ASB10: variants seen among roughly 807,000 people sequenced by gnomAD.
ASB10 encodes ankyrin repeat and SOCS box protein 10.
A neutral mutation model predicts 35.4 loss-of-function variants in ASB10; 44 were observed. That is an observed-to-expected ratio of 1.24 (90% CI 0.98 to 1.60). The LOEUF is 1.60. Among genes scored for constraint, ASB10 ranks in the 40% most tolerant of loss-of-function variants. The pLI, the probability that ASB10 is intolerant of heterozygous loss-of-function variation, is 0.00. For synonymous variants in ASB10, 294 were observed against 280.4 expected, an observed-to-expected ratio of 1.05 and a Z score of -0.49; for missense variants, 647 against 634.3, an observed-to-expected ratio of 1.02 and a Z score of -0.22.
At chr7:151,187,270 C>A (rs1363625364), upstream of ASB10, 3 of 1,512,776 alleles carry the variant, frequency 2.0e-6, no homozygotes, top group East Asian at 7.4e-5. This position sits in a 1 kb window ranked among gnomAD's most constrained non-coding sequence, Gnocchi z 5.3. Context: ...ACGCATCCAG[C>A]AGGAGCTATT....
intron 2 of ASB10, among the ~76,000 whole-genome samples, chr7:151,181,659 C>T (rs1465179069): frequency 1.3e-5 from 2 of 150,874 alleles, no homozygotes; most frequent in Admixed American, 6.6e-5. Context: ...ACCACCCAGG[C>T]GGAAGTGCAG....
chr7:151,186,963 A>G lies in ASB10; in HGVS notation c.168T>C (p.Leu56=), dbSNP rs1801610121. Residue 56 remains leucine, a synonymous_variant, in exon 1 of 6, where the codon CTT becomes CTC. Coordinates refer to ENST00000420175, the MANE Select transcript of ASB10 (RefSeq NM_001142459.2). ...CAGCCAGCACTGCCTGCCAGAAGGC[A>G]AGGGCAGGTCCTGAGGCTGTGCGGG... ...IVTRTASGPA[L]AFWQAVLAGD... is the part of the protein sequence containing the mutation. 6.2e-7 allele frequency: 1 copy of G among 1,613,892 alleles called. No homozygotes were observed. The highest frequency in any genetic ancestry group is 1.3e-5 in the African/African-American group (1 of 75,056).
chr7:151,187,745 G>A (rs1446122165), upstream of ASB10: 3 of 1,455,400 alleles, frequency 2.1e-6, no homozygotes, highest in Non-Finnish European at 2.7e-6. This position sits in a 1 kb window ranked among gnomAD's most constrained non-coding sequence, Gnocchi z 5.3. Context: ...GAGAGCCAAA[G>A]CAGCACGACT....
intron 3 of ASB10, among the ~76,000 whole-genome samples, chr7:151,178,739 G>A (rs1801434286): frequency 6.6e-6 from 1 of 152,176 alleles, no homozygotes; most frequent in Non-Finnish European, 1.5e-5. Context: ...CCTGGAGAAA[G>A]CATTTTACAC....
chr7:151,180,161 C>T (rs1337828047), intron 3 of ASB10, among the ~76,000 whole-genome samples: 1 of 152,210 alleles, frequency 6.6e-6, no homozygotes, highest in African/African-American at 2.4e-5. Flanking sequence ...ATGTCCCCAT[C>T]CCAGACCCAG....
At position 151,187,031 on chromosome 7, in the gene ASB10, C is replaced by G. The variant is rs763931539; in HGVS notation, c.100G>C (p.Gly34Arg). 6.2e-7 allele frequency: 1 copy of G among 1,610,350 alleles called. No individual in the cohort carries two copies. The highest frequency in any genetic ancestry group is 8.5e-7 in the Non-Finnish European group (1 of 1,177,766). ...CCAGACTTGAGGTGCTCCTCAGACC[C>G]TCTGCTGGGCTTCTCCACCAGCCTG... ...CARLVEKPSR[G>R]SEEHLKSGPG... The change falls in exon 1 of 6, where the codon GGG becomes CGG. Residue 34 changes from glycine (G) to arginine (R), a missense_variant. Coordinates refer to ENST00000420175, the MANE Select transcript of ASB10 (RefSeq NM_001142459.2). The surrounding 1 kb of genome is among the most constrained non-coding windows in gnomAD (Gnocchi z 5.3).
At position 151,181,362 on chromosome 7, in the gene ASB10, A is replaced by G. The variant is rs1296221039; in HGVS notation, c.681T>C (p.His227=). The change falls in exon 3 of 6, where the codon CAT becomes CAC. Residue 227 remains histidine (H), a synonymous_variant. Coordinates refer to ENST00000420175, the MANE Select transcript of ASB10 (RefSeq NM_001142459.2). ...TPLHVAARLG[H]VELADLLLRR... The stretch of plus-strand genomic sequence containing the variant: ...TTAGAAGCAGATCTGCCAGCTCCAC[A>G]TGGCCAAGCCGGGCGGCCACATGCA... The G allele has an allele frequency of 1.9e-6, 3 of 1,613,042 alleles. No individual in the cohort carries two copies. Among genetic ancestry groups the G allele is most frequent in the Admixed American group, 1.7e-5 (1 of 60,028 alleles).
In ASB10 at chr7:151,175,912, GC is replaced by G; in HGVS notation, c.*54del. On this transcript the variant is annotated 3_prime_UTR_variant, in exon 6 of 6. Transcript: ENST00000420175. Reference sequence around the variant, plus strand: ...CTGGCCTGAGTTAGTGCAGAGGCGCGCCCTCTGCAGGCTGGGGCATCTGCTT... The same window carrying G: ...CTGGCCTGAGTTAGTGCAGAGGCGCGCCTCTGCAGGCTGGGGCATCTGCTT... 1 of 658,558 alleles carries G rather than the reference GC, an allele frequency of 1.5e-6. No individual in the cohort carries two copies. The highest frequency in any genetic ancestry group is 2.5e-6 in the Non-Finnish European group (1 of 408,098). 40.8% of individuals were successfully genotyped at this position (658,558 alleles called of 1,614,324 possible).
intron 1 of ASB10, 34 bp downstream of exon 1, chr7:151,186,781 T>C (rs755645246): frequency 6.5e-7 from 1 of 1,547,108 alleles, no homozygotes; most frequent in African/African-American, 1.4e-5. Context: ...CTCCCCTCTC[T>C]CCCACTGAGA....
chr7:151,184,199 G>A (rs747102359), intron 2 of ASB10, among the ~76,000 whole-genome samples: 21 of 152,134 alleles, frequency 1.4e-4, no homozygotes, highest in Non-Finnish European at 1.5e-4. Flanking sequence ...GGATCACAAG[G>A]TCAGGAGATC....
chr7:151,185,506 G>A (rs1409594292), intron 2 of ASB10, among the ~76,000 whole-genome samples: 1 of 152,080 alleles, frequency 6.6e-6, no homozygotes, highest in Non-Finnish European at 1.5e-5. Context: ...CGCTAGTAAA[G>A]AACACATCTT....
intron 2 of ASB10, among the ~76,000 whole-genome samples, chr7:151,182,740 A>G (rs575142739): frequency 3.8e-4 from 58 of 152,186 alleles, no homozygotes; most frequent in Non-Finnish European, 6.2e-4. Context: ...GAATGGGGAT[A>G]ATTATAACAG....
chr7:151,178,496 C>G (rs1801430292), intron 3 of ASB10, among the ~76,000 whole-genome samples: 1 of 152,250 alleles, frequency 6.6e-6, no homozygotes, highest in Non-Finnish European at 1.5e-5. Flanking sequence ...CCACTGCACT[C>G]CACTCTCGCT....
rs532203636 is a variant in ASB10 at position 151,186,851 on chromosome 7, G to T, written c.280C>A (p.Arg94=). The part of the protein sequence containing the change: ...DSVFDTSDPE[R]WRDFRFNIRA... ...ATGTTGAAGCGGAAATCCCTCCATC[G>T]CTCTGGGTCGCTGGTATCAAAGACG... is the stretch of plus-strand genomic sequence containing the variant. Residue 94 remains arginine, a synonymous_variant, in exon 1 of 6, where the codon CGA becomes AGA. Transcript: ENST00000420175. 2 of 1,610,920 alleles carry T rather than the reference G, an allele frequency of 1.2e-6. No individual in the cohort carries two copies. Among genetic ancestry groups the T allele is most frequent in the Non-Finnish European group, 1.7e-6 (2 of 1,178,090 alleles).
chr7:151,187,273 G>C, upstream of ASB10: 2 of 1,511,554 alleles, frequency 1.3e-6, no homozygotes, highest in Middle Eastern at 1.7e-4. This position sits in a 1 kb window ranked among gnomAD's most constrained non-coding sequence, Gnocchi z 5.3. Flanking sequence ...CATCCAGCAG[G>C]AGCTATTCTG....
chr7:151,181,086 G>T lies in ASB10; in HGVS notation c.957C>A (p.Ser319Arg). The T allele has an allele frequency of 1.9e-6, 3 of 1,612,474 alleles. No individual in the cohort carries two copies. Among genetic ancestry groups the T allele is most frequent in the Non-Finnish European group, 2.5e-6 (3 of 1,179,846 alleles). ...GTCCCCCATAGTCCATGGTGTTGGC[G>T]CTGACACCACAGGACAGGAGCAGCT... ...VVELLLSCGV[S>R]ANTMDYGGHT... Residue 319 changes from serine to arginine, a missense_variant, in exon 3 of 6, where the codon AGC (serine) becomes AGA (arginine). By Grantham distance (110) the Ser-to-Arg change is moderately radical. Transcript: ENST00000420175.
intron 2 of ASB10, among the ~76,000 whole-genome samples, chr7:151,184,676 T>A (rs964210079): frequency 1.3e-5 from 2 of 152,120 alleles, no homozygotes; most frequent in South Asian, 4.1e-4. Context: ...ATGGTGGCGA[T>A]GGTTGAACAA....
At chr7:151,187,447 C>G, upstream of ASB10, 1 of 1,551,276 alleles carries the variant, frequency 6.4e-7, no homozygotes, top group Non-Finnish European at 8.7e-7. The surrounding 1 kb of genome is among the most constrained non-coding windows in gnomAD (Gnocchi z 5.3). Flanking sequence ...CCAGATGCCC[C>G]TCACCCCTCT....
chr7:151,185,854 T>C (rs543952224), intron 2 of ASB10, among the ~76,000 whole-genome samples: 2 of 152,282 alleles, frequency 1.3e-5, no homozygotes, highest in Non-Finnish European at 2.9e-5. Context: ...TGAGAGTCCC[T>C]TGAGCCCATG....
Sources: gnomAD v4.1 joint callset for allele counts (sites outside exome capture counted in the v4.1 genomes callset) on GRCh38, gnomAD v4.1.1 for gene constraint, Gnocchi (gnomAD v3.1) non-coding constraint, MANE v1.5 for transcripts, NCBI Gene and HGNC (gene_info 2026-07-23, HGNC 2026-07-21) for gene names.